DPP10: variants seen among roughly 807,000 people sequenced by gnomAD.
DPP10 encodes the protein dipeptidyl peptidase like 10.
DPP10 carries 33 observed loss-of-function variants against 120.9 expected under a neutral mutation model. The observed-to-expected ratio is 0.27, with a 90% CI of 0.21 to 0.37. The LOEUF (loss-of-function observed/expected upper bound fraction) is 0.37. DPP10 is among the 10% of genes least tolerant of loss of function. The pLI, the probability that DPP10 is intolerant of heterozygous loss-of-function variation, is 1.00. For missense variants in DPP10, 816 were observed against 942.8 expected (o/e 0.87, Z 1.76); for synonymous variants, 337 against 326.1 (o/e 1.03, Z -0.36).
intron 4 of DPP10, among the ~76,000 whole-genome samples, chr2:115,521,444 TAAAA>T (rs2077800848): frequency 6.6e-6 from 1 of 152,184 alleles, no homozygotes; most frequent in African/African-American, 2.4e-5. Context: ...ATAATGTATA[TAAAA>T]TTCGAATGTC....
chr2:114,823,706 A>G (rs189658032), intron 1 of DPP10, among the ~76,000 whole-genome samples: 3 of 152,230 alleles, frequency 2.0e-5, no homozygotes, highest in Admixed American at 2.0e-4. Context: ...GGAAGGAAAC[A>G]GTGTTACCAG....
intron 4 of DPP10, among the ~76,000 whole-genome samples, chr2:115,516,106 C>G (rs771830393): frequency 6.6e-6 from 1 of 152,120 alleles, no homozygotes; most frequent in African/African-American, 2.4e-5. Flanking sequence ...TAGTGCATGA[C>G]AACTCAACTA....
Position 114,930,795 on chromosome 2 carries a change from C to T in DPP10, c.61-378444C>T, listed in dbSNP as rs527727245. Among the ~76,000 whole-genome samples the T allele has an allele frequency of 1.1e-3, 163 of 152,206 alleles. 1 individual carries two copies. The Middle Eastern group carries it at 0.017, about 16-fold the overall frequency. ...GAAGATGAAATGGAGCTGTTGTTTGCGGAGATCACATGGTGAGAGAGGAAG... is the reference window on the plus strand; with the variant it reads ...GAAGATGAAATGGAGCTGTTGTTTGTGGAGATCACATGGTGAGAGAGGAAG... On this transcript the variant is annotated intron_variant, in intron 1 of 25. Coordinates refer to ENST00000410059, the MANE Select transcript of DPP10 (RefSeq NM_020868.6).
chr2:114,966,000 A>G, intron 1 of DPP10, among the ~76,000 whole-genome samples: 1 of 151,790 alleles, frequency 6.6e-6, no homozygotes, highest in Admixed American at 6.6e-5. Flanking sequence ...AAAAAAAAGA[A>G]AAAGAAAGAT....
chr2:115,042,008 C>CTTTTTTTTTTTTTTTTTT (rs5833573), intron 1 of DPP10, among the ~76,000 whole-genome samples: 20 of 80,282 alleles, frequency 2.5e-4, no homozygotes, highest in South Asian at 4.9e-4. Flanking sequence ...TCTATCTTAT[C>CTTTTTTTTTTTTTTTTTT]TTTTTTTTTT....
intron 1 of DPP10, among the ~76,000 whole-genome samples, chr2:114,522,678 C>G (rs868572270): frequency 1.3e-5 from 2 of 152,086 alleles, no homozygotes; most frequent in Non-Finnish European, 2.9e-5. Flanking sequence ...TTAATCCATT[C>G]TTAAGCTGCT....
chr2:114,740,257 A>T (rs1033351991), intron 1 of DPP10, among the ~76,000 whole-genome samples: 3 of 150,938 alleles, frequency 2.0e-5, no homozygotes, highest in Non-Finnish European at 2.9e-5. Context: ...TATTGTAAGG[A>T]CAAAAAACCA....
At chr2:115,701,082 A>G (rs1313058140) in intron 7 of DPP10, among the ~76,000 whole-genome samples, 1 of 152,134 alleles carries the variant, frequency 6.6e-6, no homozygotes, top group Non-Finnish European at 1.5e-5. Context: ...GCAGATATAG[A>G]AAAGCCTATC....
intron 1 of DPP10, among the ~76,000 whole-genome samples, chr2:114,922,427 C>T (rs1377707110): frequency 6.6e-6 from 1 of 152,208 alleles, no homozygotes; most frequent in East Asian, 1.9e-4. Flanking sequence ...ATTCTCCTGC[C>T]TCAGCCTCCT....
intron 1 of DPP10, among the ~76,000 whole-genome samples, chr2:115,169,448 T>C (rs1009106216): frequency 5.9e-5 from 9 of 151,990 alleles, no homozygotes; most frequent in African/African-American, 1.4e-4. Context: ...TACACACACA[T>C]ATATATATAT....
intron 13 of DPP10, among the ~76,000 whole-genome samples, 172 bp from the exon 14 acceptor site, chr2:115,777,036 C>T (rs147420130): frequency 3.9e-5 from 6 of 152,122 alleles, no homozygotes; most frequent in Non-Finnish European, 8.8e-5. Flanking sequence ...ACCTACCTGC[C>T]TTGATCTGTG....
chr2:115,137,854 A>G (rs1270748334), intron 1 of DPP10, among the ~76,000 whole-genome samples: 1 of 152,208 alleles, frequency 6.6e-6, no homozygotes, highest in South Asian at 2.1e-4. Context: ...GAGCCAATTC[A>G]AAGTTCTATT....
intron 1 of DPP10, among the ~76,000 whole-genome samples, chr2:115,238,709 G>A (rs2058120100): frequency 6.6e-6 from 1 of 152,164 alleles, no homozygotes. Context: ...TTTACTCCCA[G>A]TAAATACGAT....
intron 1 of DPP10, among the ~76,000 whole-genome samples, chr2:115,030,777 G>T (rs1359099617): frequency 6.6e-6 from 1 of 152,128 alleles, no homozygotes; most frequent in Non-Finnish European, 1.5e-5. Flanking sequence ...ATGCTGGTGA[G>T]GTTGTGGAGA....
At chr2:115,807,572 T>G (rs1160991566) in intron 19 of DPP10, among the ~76,000 whole-genome samples, 2 of 152,134 alleles carry the variant, frequency 1.3e-5, no homozygotes. Flanking sequence ...AAGGAGACAA[T>G]CTCTGGCTTT....
At chr2:115,388,638 A>T (rs747122805) in intron 3 of DPP10, among the ~76,000 whole-genome samples, 1 of 152,224 alleles carries the variant, frequency 6.6e-6, no homozygotes, top group Non-Finnish European at 1.5e-5. Context: ...GTATCACAAC[A>T]TCTAAAATGC....
At chr2:115,274,063 G>A (rs1304771428) in intron 1 of DPP10, among the ~76,000 whole-genome samples, 1 of 152,002 alleles carries the variant, frequency 6.6e-6, no homozygotes, top group Non-Finnish European at 1.5e-5. Flanking sequence ...GCTTCCCTCT[G>A]TAGAGCGCAT....
At chr2:115,373,092 A>G (rs1028444315) in intron 3 of DPP10, among the ~76,000 whole-genome samples, 1 of 152,194 alleles carries the variant, frequency 6.6e-6, no homozygotes, top group Non-Finnish European at 1.5e-5. Flanking sequence ...AATGAAAGAG[A>G]TCAGGGAAAG....
intron 1 of DPP10, among the ~76,000 whole-genome samples, chr2:114,923,472 C>CTTTTTT (rs71394115): frequency 1.4e-5 from 1 of 69,420 alleles, no homozygotes; most frequent in Admixed American, 2.0e-4. Flanking sequence ...GCCTTTTTTC[C>CTTTTTT]TTTTTTTTTT....
Sources: gnomAD v4.1 joint callset for allele counts (sites outside exome capture counted in the v4.1 genomes callset) on GRCh38, gnomAD v4.1.1 for gene constraint, MANE v1.5 for transcripts, NCBI Gene and HGNC (gene_info 2026-07-23, HGNC 2026-07-21) for gene names.